ADGRL2: variants seen among roughly 807,000 people sequenced by gnomAD.
ADGRL2 encodes calcium-independent alpha-latrotoxin receptor 2.
Under a neutral mutation model 157.4 loss-of-function variants are expected in ADGRL2, and 44 were observed. The ratio of observed to expected loss-of-function variants is 0.28; its 90% CI spans 0.22 to 0.36. ADGRL2 has a LOEUF of 0.36. ADGRL2 is among the 10% of genes least tolerant of loss of function. ADGRL2 has a pLI of 1.00. For synonymous variants in ADGRL2, 585 were observed against 624.7 expected (o/e 0.94, Z 0.95); for missense variants, 1,510 against 1,768.9 (o/e 0.85, Z 2.63).
At chr1:81,863,248 T>G (rs2093440612) in intron 2 of ADGRL2, among the ~76,000 whole-genome samples, 1 of 151,996 alleles carries the variant, frequency 6.6e-6, no homozygotes, top group African/African-American at 2.4e-5. Context: ...GAATTGAGGG[T>G]GGGCAACAGA....
chr1:81,785,502 A>C (rs2087000298), intron 2 of ADGRL2, among the ~76,000 whole-genome samples: 1 of 152,036 alleles, frequency 6.6e-6, no homozygotes, highest in Non-Finnish European at 1.5e-5. Context: ...CTGAAGTGGG[A>C]GGATTGCTCA....
rs117104552 is a variant in ADGRL2, at chr1:81,711,136, C to T, written c.-143+11328C>T. ...TTATCAGAAAAGTCTTTACATATTA[C>T]GAAGCTGTCAAGTTCACAGTGACAG... On this transcript the variant is annotated intron_variant, in intron 1 of 20. Transcript: ENST00000359929. 2.0e-3 allele frequency among the ~76,000 whole-genome samples: 306 copies of T among 152,258 alleles called. 3 individuals carry two copies. The highest frequency in any genetic ancestry group is 0.017 in the East Asian group (90 of 5,180).
chr1:81,665,330 A>T (rs552414128), intron 3 of ADGRL2, among the ~76,000 whole-genome samples: 1 of 152,238 alleles, frequency 6.6e-6, no homozygotes, highest in East Asian at 1.9e-4. Context: ...TTAAAAATTG[A>T]TATCTTATGT....
chr1:81,396,124 T>G (rs1024179773), intron 1 of ADGRL2, among the ~76,000 whole-genome samples: 3 of 152,182 alleles, frequency 2.0e-5, no homozygotes, highest in Non-Finnish European at 4.4e-5. Context: ...ACAATGTTAA[T>G]TCTAATCCAT....
chr1:81,765,750 A>G (rs968622040), intron 2 of ADGRL2, among the ~76,000 whole-genome samples: 1 of 152,078 alleles, frequency 6.6e-6, no homozygotes, highest in African/African-American at 2.4e-5. Flanking sequence ...ACAGTAAAAC[A>G]TACTTTATTT....
intron 3 of ADGRL2, among the ~76,000 whole-genome samples, chr1:81,583,163 C>A (rs2148550734): frequency 6.6e-6 from 1 of 152,232 alleles, no homozygotes; most frequent in South Asian, 2.1e-4. Flanking sequence ...TATTCCAAGA[C>A]CAACTTCCTT....
At chr1:81,308,716 G>A (rs12126090) in intron 1 of ADGRL2, among the ~76,000 whole-genome samples, 31,370 of 151,876 alleles carry the variant, frequency 0.21, 4,042 homozygotes, top group Middle Eastern at 0.35. Flanking sequence ...ATAGACTTTC[G>A]CATTTGTTTG....
At chr1:81,375,005 A>C (rs1299392702) in intron 1 of ADGRL2, among the ~76,000 whole-genome samples, 1 of 152,176 alleles carries the variant, frequency 6.6e-6, no homozygotes, top group Non-Finnish European at 1.5e-5. Flanking sequence ...GCCCAGCACC[A>C]GTCTTGCTGG....
At chr1:81,537,223 C>T (rs1044676218) in intron 2 of ADGRL2, among the ~76,000 whole-genome samples, 3 of 152,304 alleles carry the variant, frequency 2.0e-5, no homozygotes, top group African/African-American at 7.2e-5. Flanking sequence ...GAAACACATA[C>T]ATCTGTGCCT....
intron 1 of ADGRL2, among the ~76,000 whole-genome samples, chr1:81,334,118 T>C (rs1661464260): frequency 6.6e-6 from 1 of 152,226 alleles, no homozygotes; most frequent in African/African-American, 2.4e-5. Context: ...ACAGGACTTT[T>C]CCTGATAGTT....
intron 1 of ADGRL2, among the ~76,000 whole-genome samples, chr1:81,754,716 C>T (rs1046163630): frequency 2.0e-5 from 3 of 147,462 alleles, no homozygotes; most frequent in African/African-American, 7.5e-5. Context: ...CTCTCTCTCT[C>T]TTTCTTTTTT....
chr1:81,681,052 A>T (rs1334999577), intron 3 of ADGRL2, among the ~76,000 whole-genome samples: 1 of 152,248 alleles, frequency 6.6e-6, no homozygotes, highest in African/African-American at 2.4e-5. Context: ...GAGGATCAAG[A>T]ATGAGCCCTT....
At chr1:81,580,637 A>G (rs1035542597) in intron 2 of ADGRL2, among the ~76,000 whole-genome samples, 1 of 152,224 alleles carries the variant, frequency 6.6e-6, no homozygotes, top group African/African-American at 2.4e-5. Flanking sequence ...TTACAGACAT[A>G]GAAGCCCTTG....
intron 2 of ADGRL2, among the ~76,000 whole-genome samples, chr1:81,566,223 G>C (rs2080558443): frequency 2.0e-5 from 3 of 152,108 alleles, no homozygotes; most frequent in African/African-American, 7.2e-5. Flanking sequence ...CTGCAAACAT[G>C]TATTGGTTGC....
chr1:81,359,523 G>T (rs1344310490), intron 1 of ADGRL2, among the ~76,000 whole-genome samples: 2 of 151,960 alleles, frequency 1.3e-5, no homozygotes, highest in Admixed American at 1.3e-4. Context: ...TTGGTATTCA[G>T]TATACAGCAT....
chr1:81,753,143 C>T (rs2085543718), intron 1 of ADGRL2, among the ~76,000 whole-genome samples: 1 of 152,070 alleles, frequency 6.6e-6, no homozygotes, highest in South Asian at 2.1e-4. Context: ...TTTCATGCTG[C>T]TGATAAAGAC....
chr1:81,624,309 G>T (rs182354172), intron 3 of ADGRL2, among the ~76,000 whole-genome samples: 2 of 152,274 alleles, frequency 1.3e-5, no homozygotes, highest in African/African-American at 2.4e-5. Context: ...GGCCGGGTGC[G>T]GTGGCTCACG....
intron 4 of ADGRL2, among the ~76,000 whole-genome samples, chr1:81,937,983 G>A (rs757495220): frequency 6.6e-6 from 1 of 151,712 alleles, no homozygotes; most frequent in Non-Finnish European, 1.5e-5. Flanking sequence ...TTGACAAATT[G>A]GCTTTTTGTG....
At chr1:81,385,585 T>A (rs1228100138) in intron 1 of ADGRL2, among the ~76,000 whole-genome samples, 2 of 136,968 alleles carry the variant, frequency 1.5e-5, no homozygotes, top group South Asian at 2.2e-4. Flanking sequence ...AACATTGTTT[T>A]GGGGAGAGTG....
Sources: allele counts gnomAD v4.1 joint callset (sites outside exome capture counted in the v4.1 genomes callset), GRCh38; gene constraint gnomAD v4.1.1; transcripts MANE v1.5; gene names NCBI Gene and HGNC (gene_info 2026-07-23, HGNC 2026-07-21).